The following LRMDA variants were observed in gnomAD, a reference collection of about 807,000 sequenced individuals.
LRMDA encodes the protein leucine-rich melanocyte differentiation-associated protein.
LRMDA carries 18 observed loss-of-function variants against 29.8 expected under a neutral mutation model. That is an observed-to-expected ratio of 0.60 (90% confidence interval 0.42 to 0.90). The LOEUF (loss-of-function observed/expected upper bound fraction) is 0.90. LRMDA is among the 40% of genes least tolerant of loss of function. The probability of loss-of-function intolerance (pLI) is 0.00; values close to 1 mark genes in which losing one functional copy is unlikely to be tolerated. For missense variants in LRMDA, 273 were observed against 273.9 expected (o/e 1.00, Z 0.02); for synonymous variants, 125 against 109.4 (o/e 1.14, Z -0.89).
intron 5 of LRMDA, among the ~76,000 whole-genome samples, chr10:76,159,673 A>G (rs1481694967): frequency 6.6e-6 from 1 of 152,206 alleles, no homozygotes; most frequent in East Asian, 1.9e-4. Flanking sequence ...ACTGGGGTAC[A>G]TGCAGACAAT....
At chr10:75,850,749 T>C (rs1844718294) in intron 2 of LRMDA, among the ~76,000 whole-genome samples, 1 of 152,182 alleles carries the variant, frequency 6.6e-6, no homozygotes, top group Non-Finnish European at 1.5e-5. Flanking sequence ...ACAATCAGGA[T>C]GGTAACTGTG....
At chr10:76,299,171 G>A (rs1436502959) in intron 5 of LRMDA, among the ~76,000 whole-genome samples, 2 of 151,836 alleles carry the variant, frequency 1.3e-5, no homozygotes, top group Non-Finnish European at 2.9e-5. Flanking sequence ...GTGTGTGTGT[G>A]TGTGTGTGTG....
intron 5 of LRMDA, among the ~76,000 whole-genome samples, chr10:76,297,796 C>G (rs755824073): frequency 2.6e-5 from 4 of 152,152 alleles, no homozygotes; most frequent in African/African-American, 7.2e-5. Context: ...CCCCCTCCCC[C>G]GGTTTGTTTT....
At chr10:76,309,019 T>TA (rs72310338) in intron 5 of LRMDA, among the ~76,000 whole-genome samples, 81 of 148,468 alleles carry the variant, frequency 5.5e-4, no homozygotes, top group South Asian at 1.1e-3. Flanking sequence ...TTAAATGGGT[T>TA]AAAAAAAAAA....
intron 2 of LRMDA, among the ~76,000 whole-genome samples, chr10:75,899,061 T>C (rs1012493819): frequency 6.6e-6 from 1 of 152,254 alleles, no homozygotes; most frequent in African/African-American, 2.4e-5. Context: ...TGTTGTGCCC[T>C]TCTGCAGCCT....
chr10:75,912,829 GCTATTGCTTATCCTCT>G (rs1845863650), intron 2 of LRMDA, among the ~76,000 whole-genome samples: 2 of 152,118 alleles, frequency 1.3e-5, no homozygotes, highest in African/African-American at 4.8e-5. Context: ...CAAGTGTGAG[GCTATTGCTTATCCTCT>G]AATTGCTGGG....
Position 75,664,204 on chromosome 10 carries a change from C to T in LRMDA, c.131+225710C>T, listed in dbSNP as rs80059526. On this transcript the variant is annotated intron_variant, in intron 2 of 6. Coordinates refer to ENST00000611255, the MANE Select transcript of LRMDA (RefSeq NM_001305581.2). Reference sequence around the variant, plus strand: ...CTCTTTCTCAACCAGTCCTGCCTGTCTCTCCCTGGAATCCAAAACTGTGTG... The same window carrying T: ...CTCTTTCTCAACCAGTCCTGCCTGTTTCTCCCTGGAATCCAAAACTGTGTG... Among the ~76,000 whole-genome samples the T allele has an allele frequency of 3.7e-3, 564 of 152,306 alleles. 11 individuals are homozygous for T. In the East Asian group the frequency reaches 0.038, roughly 10 times the overall value.
chr10:75,747,142 G>A lies in LRMDA; in HGVS notation c.132-288866G>A, dbSNP rs115805269. On this transcript the variant is annotated intron_variant, in intron 2 of 6. Transcript: ENST00000611255. ...TTCATGCTAGTTTTTCAGTCTGAGAGTCTCATGATAGCTACACTTGCTTCA... is the reference window on the plus strand; with the variant it reads ...TTCATGCTAGTTTTTCAGTCTGAGAATCTCATGATAGCTACACTTGCTTCA... 9.6e-3 allele frequency among the ~76,000 whole-genome samples: 1,460 copies of A among 152,202 alleles called. 21 individuals carry two copies. Among genetic ancestry groups the A allele is most frequent in the African/African-American group, 0.033 (1,380 of 41,538 alleles).
rs565830585 is a variant in LRMDA, at chr10:75,532,548, C to A, written c.131+94054C>A. 3.3e-5 allele frequency among the ~76,000 whole-genome samples: 5 copies of A among 152,282 alleles called. No individual in the cohort carries two copies. In the East Asian group the frequency reaches 9.6e-4, roughly 29 times the overall value. On this transcript the variant is annotated intron_variant, in intron 2 of 6. Transcript: ENST00000611255. ...GCTGGAGGTGTATTCGGGAGACATC[C>A]TCAGGTGTGCATGCTGGAGAGAGGA...
intron 2 of LRMDA, among the ~76,000 whole-genome samples, chr10:75,832,948 G>A (rs565114004): frequency 2.6e-5 from 4 of 152,194 alleles, no homozygotes; most frequent in Non-Finnish European, 5.9e-5. Context: ...AGCTACATGA[G>A]ATTTGGGTAG....
At chr10:75,615,503 T>C (rs1841087663) in intron 2 of LRMDA, among the ~76,000 whole-genome samples, 1 of 152,122 alleles carries the variant, frequency 6.6e-6, no homozygotes, top group Admixed American at 6.6e-5. Flanking sequence ...GTTTTTCAGA[T>C]TAGGAATACT....
intron 2 of LRMDA, among the ~76,000 whole-genome samples, chr10:76,022,076 CTT>C (rs1375002230): frequency 6.6e-6 from 1 of 152,158 alleles, no homozygotes; most frequent in African/African-American, 2.4e-5. Context: ...GGATACTAAT[CTT>C]AAGATATTTG....
At chr10:75,634,332 A>G (rs940235748) in intron 2 of LRMDA, among the ~76,000 whole-genome samples, 2 of 152,252 alleles carry the variant, frequency 1.3e-5, no homozygotes, top group African/African-American at 4.8e-5. Flanking sequence ...TAAGCATTCT[A>G]TTTTCTCCTG....
intron 6 of LRMDA, among the ~76,000 whole-genome samples, chr10:76,510,468 A>G (rs1842999801): frequency 6.6e-6 from 1 of 152,136 alleles, no homozygotes; most frequent in South Asian, 2.1e-4. Context: ...AAGCAGAAAA[A>G]TGAGCCATGA....
chr10:76,336,960 CT>C (rs1840976976), intron 6 of LRMDA, among the ~76,000 whole-genome samples: 1 of 151,566 alleles, frequency 6.6e-6, no homozygotes, highest in Non-Finnish European at 1.5e-5. Flanking sequence ...TTTTTTTAAT[CT>C]GCCTCCTTGG....
chr10:75,500,069 T>C (rs1481044173), intron 2 of LRMDA, among the ~76,000 whole-genome samples: 1 of 152,184 alleles, frequency 6.6e-6, no homozygotes, highest in Non-Finnish European at 1.5e-5. Flanking sequence ...AGCCCTTTAG[T>C]TGAGTGATGT....
intron 4 of LRMDA, among the ~76,000 whole-genome samples, chr10:76,056,164 C>A (rs1286950837): frequency 6.6e-6 from 1 of 152,070 alleles, no homozygotes; most frequent in East Asian, 1.9e-4. Flanking sequence ...TCTGTGCAGC[C>A]CTCAGCAGAG....
chr10:76,348,976 TGAG>T (rs1841142386), intron 6 of LRMDA, among the ~76,000 whole-genome samples: 2 of 152,130 alleles, frequency 1.3e-5, no homozygotes, highest in African/African-American at 4.8e-5. Context: ...GGAGCCGTGT[TGAG>T]GAGGTCAAAT....
chr10:76,171,051 C>T (rs1047146270), intron 5 of LRMDA, among the ~76,000 whole-genome samples: 1 of 152,164 alleles, frequency 6.6e-6, no homozygotes, highest in African/African-American at 2.4e-5. Context: ...ATGTGCATTG[C>T]TTCCTATGAA....
Sources: gnomAD v4.1 joint callset for allele counts (sites outside exome capture counted in the v4.1 genomes callset) on GRCh38, gnomAD v4.1.1 for gene constraint, MANE v1.5 for transcripts, NCBI Gene and HGNC (gene_info 2026-07-23, HGNC 2026-07-21) for gene names.